The following NREP variants were observed in gnomAD, a reference collection of about 807,000 sequenced individuals.
NREP encodes the protein neuronal regeneration-related protein.
NREP carries 5 observed loss-of-function variants against 8.6 expected under a neutral mutation model. That is an observed-to-expected ratio of 0.58 (90% CI 0.30 to 1.22). The LOEUF (loss-of-function observed/expected upper bound fraction) is 1.22. NREP is among the 50% of genes most tolerant of loss of function. The probability of loss-of-function intolerance (pLI) is 0.07; values close to 1 mark genes in which losing one functional copy is unlikely to be tolerated. For missense variants in NREP, 86 were observed against 82.5 expected (o/e 1.04, Z -0.17); for synonymous variants, 27 against 28.0 (o/e 0.96, Z 0.11).
At chr5:111,827,359 A>G (rs77584961) in intron 2 of NREP, among the ~76,000 whole-genome samples, 1 of 152,306 alleles carries the variant, frequency 6.6e-6, no homozygotes, top group African/African-American at 2.4e-5. Flanking sequence ...GGGGCTACTA[A>G]TATTTTCTTA....
intron 2 of NREP, among the ~76,000 whole-genome samples, chr5:111,858,406 T>C (rs1218137830): frequency 6.6e-6 from 1 of 152,166 alleles, no homozygotes; most frequent in Non-Finnish European, 1.5e-5. Flanking sequence ...CCACATTAAC[T>C]GGTCTAGTCT....
intron 2 of NREP, among the ~76,000 whole-genome samples, chr5:111,803,698 AAT>A (rs372999146): frequency 6.6e-6 from 1 of 152,292 alleles, no homozygotes; most frequent in South Asian, 2.1e-4. Context: ...TATTACCTAA[AAT>A]ATTCTCTTAG....
chr5:111,938,799 T>G (rs968877972), intron 2 of NREP, among the ~76,000 whole-genome samples: 1 of 152,228 alleles, frequency 6.6e-6, no homozygotes, highest in South Asian at 2.1e-4. Flanking sequence ...CTTAGTATAC[T>G]GCAGTCAGCA....
At chr5:111,769,791 G>T (rs1186401724) in intron 2 of NREP, among the ~76,000 whole-genome samples, 2 of 152,122 alleles carry the variant, frequency 1.3e-5, no homozygotes, top group East Asian at 3.9e-4. Context: ...GATCTTGAGA[G>T]AACTCACTTA....
At chr5:111,943,194 T>C (rs1561359801) in intron 2 of NREP, among the ~76,000 whole-genome samples, 1 of 152,058 alleles carries the variant, frequency 6.6e-6, no homozygotes, top group African/African-American at 2.4e-5. Flanking sequence ...TGCCTGCTAT[T>C]AGTCATTTCC....
chr5:111,920,200 A>G (rs1383761864), intron 2 of NREP, among the ~76,000 whole-genome samples: 2 of 152,156 alleles, frequency 1.3e-5, no homozygotes, highest in Non-Finnish European at 2.9e-5. Context: ...GCAATCAATT[A>G]TCACTTTAGT....
intron 2 of NREP, among the ~76,000 whole-genome samples, chr5:111,807,889 G>A (rs1752176364): frequency 6.6e-6 from 1 of 151,682 alleles, no homozygotes; most frequent in South Asian, 2.1e-4. Context: ...ATGTGAAGAT[G>A]GTACTTGAAA....
At chr5:111,797,565 G>T (rs1751902958) in intron 2 of NREP, among the ~76,000 whole-genome samples, 1 of 152,136 alleles carries the variant, frequency 6.6e-6, no homozygotes, top group East Asian at 1.9e-4. Context: ...AATATTGCTG[G>T]ATCTCTTAGA....
At position 111,729,402 on chromosome 5, in the gene NREP, C is replaced by T. The variant is rs552139154; in HGVS notation, c.*1519G>A. On this transcript the variant is annotated 3_prime_UTR_variant, in exon 4 of 4. Coordinates refer to ENST00000257435, the MANE Select transcript of NREP (RefSeq NM_004772.4). The stretch of plus-strand genomic sequence containing the variant: ...TGCATCAGTAAAGATCACACTGTTA[C>T]AAAAGCCTGCATTTTCAGCAGTACA... 6.6e-6 allele frequency: 1 copy of T among 152,414 alleles called. No homozygotes were observed. Among genetic ancestry groups the T allele is most frequent in the East Asian group, 1.9e-4 (1 of 5,190 alleles). The allele number at this position is 152,414 out of a possible 1,614,324, so 9.4% of individuals were successfully genotyped here.
intron 2 of NREP, among the ~76,000 whole-genome samples, chr5:111,772,666 C>T (rs1345105644): frequency 6.6e-6 from 1 of 152,032 alleles, no homozygotes; most frequent in Non-Finnish European, 1.5e-5. Flanking sequence ...AGGGATGCTG[C>T]TGGTCCTTTA....
chr5:111,862,428 G>A (rs1218063474), intron 2 of NREP, among the ~76,000 whole-genome samples: 7 of 152,160 alleles, frequency 4.6e-5, no homozygotes, highest in African/African-American at 1.2e-4. Context: ...AGAGTACGGC[G>A]AGGCTTGCAG....
upstream of NREP, chr5:111,758,088 T>C (rs1399284366): frequency 5.1e-6 from 5 of 985,504 alleles, no homozygotes; most frequent in East Asian, 4.6e-4. Context: ...CCGCGAAGGA[T>C]GCATTTGCAC....
At chr5:111,841,555 T>C (rs1466221738) in intron 2 of NREP, among the ~76,000 whole-genome samples, 4 of 152,164 alleles carry the variant, frequency 2.6e-5, no homozygotes, top group Non-Finnish European at 1.5e-5. Flanking sequence ...GAAGACATAA[T>C]GTCTACAGAT....
intron 2 of NREP, among the ~76,000 whole-genome samples, chr5:111,905,224 G>A (rs1451138712): frequency 6.6e-6 from 1 of 152,072 alleles, no homozygotes; most frequent in Non-Finnish European, 1.5e-5. Context: ...ATTCATTTGG[G>A]TAAGTACCTA....
At chr5:111,807,888 T>C (rs1201428085) in intron 2 of NREP, among the ~76,000 whole-genome samples, 2 of 151,824 alleles carry the variant, frequency 1.3e-5, no homozygotes, top group Admixed American at 1.3e-4. Context: ...CATGTGAAGA[T>C]GGTACTTGAA....
intron 2 of NREP, chr5:111,755,554 T>C (rs1191486844): frequency 3.4e-6 from 2 of 596,170 alleles, no homozygotes; most frequent in Non-Finnish European, 6.1e-6. Flanking sequence ...AGTTTTCTAT[T>C]CAAAATAATT....
At chr5:111,781,349 T>C (rs1751489592) in intron 2 of NREP, among the ~76,000 whole-genome samples, 1 of 152,082 alleles carries the variant, frequency 6.6e-6, no homozygotes, top group Non-Finnish European at 1.5e-5. Context: ...CGTGAGGAAG[T>C]CCATGCAACA....
chr5:111,949,353 G>A (rs1326391935), intron 2 of NREP, among the ~76,000 whole-genome samples: 2 of 129,382 alleles, frequency 1.5e-5, no homozygotes, highest in East Asian at 5.3e-4. Flanking sequence ...AAAATTAAAA[G>A]CCCTAGGGAT....
chr5:111,842,759 T>C (rs1044447839), intron 2 of NREP, among the ~76,000 whole-genome samples: 2 of 152,178 alleles, frequency 1.3e-5, no homozygotes, highest in Non-Finnish European at 2.9e-5. Flanking sequence ...GCAAGTTCAA[T>C]GGTAATGAAC....
Sources: gnomAD v4.1 joint callset for allele counts (sites outside exome capture counted in the v4.1 genomes callset) on GRCh38, gnomAD v4.1.1 for gene constraint, MANE v1.5 for transcripts, NCBI Gene and HGNC (gene_info 2026-07-23, HGNC 2026-07-21) for gene names.